The following NSUN2 variants were observed in gnomAD, a reference collection of about 807,000 sequenced individuals.
NSUN2 encodes the protein RNA cytosine C(5)-methyltransferase NSUN2.
NSUN2 carries 63 observed loss-of-function variants against 92.7 expected under a neutral mutation model. That is an observed-to-expected ratio of 0.68 (90% CI 0.56 to 0.84). The LOEUF (loss-of-function observed/expected upper bound fraction) is 0.84. NSUN2 is among the 40% of genes least tolerant of loss of function. The probability of loss-of-function intolerance (pLI) is 0.00; values close to 1 mark genes in which losing one functional copy is unlikely to be tolerated. For synonymous variants in NSUN2, 356 were observed against 348.3 expected, an observed-to-expected ratio of 1.02 and a Z score of -0.25; for missense variants, 989 against 964.9, an observed-to-expected ratio of 1.02 and a Z score of -0.33.
chr5:6,599,893 G>T lies in NSUN2; in HGVS notation c.*33C>A. 6.3e-7 allele frequency: 1 copy of T among 1,595,278 alleles called. No individual in the cohort carries two copies. On this transcript the variant is annotated 3_prime_UTR_variant, in exon 19 of 19. Coordinates refer to ENST00000264670, the MANE Select transcript of NSUN2 (RefSeq NM_017755.6). ...ACCAGAAGAAGCCAGTTTTGCGTGT[G>T]AGGGGTGTGGGCCCCCGCTGCCTTG... is the stretch of plus-strand genomic sequence containing the variant.
In NSUN2 at chr5:6,605,371, T is replaced by C. The variant is rs551486958; in HGVS notation, c.1639A>G (p.Asn547Asp). ...CCTTCTGTAGTCCGAGTTAACAAATTCATCCTTGGGAATGAAGGATCCAAA... is the reference window on the plus strand; with the variant it reads ...CCTTCTGTAGTCCGAGTTAACAAATCCATCCTTGGGAATGAAGGATCCAAA... ...YALDPSFPRM[N>D]LLTRTTEGKK... is the part of the protein sequence containing the mutation. Residue 547 changes from asparagine (N) to aspartate (D), a missense_variant, in exon 15 of 19, where the codon AAT becomes GAT. Asn to Asp is a conservative substitution (Grantham distance 23). This residue lies in a region of NSUN2 where 626 missense variants were observed against 602.3 expected (regional missense o/e 1.04). Transcript: ENST00000264670. 2.7e-5 allele frequency: 43 copies of C among 1,614,098 alleles called. No individual in the cohort carries two copies. The highest frequency in any genetic ancestry group is 3.6e-5 in the Non-Finnish European group (43 of 1,180,042).
chr5:6,616,984 C>T lies in NSUN2; in HGVS notation c.891-127G>A. On this transcript the variant is annotated intron_variant, in intron 8 of 18. Transcript: ENST00000264670. ...CACAATTATACTTAAAAAAAACCTTCCAGGGATCTAAATGAAGTTAGAGTA... is the reference window on the plus strand; with the variant it reads ...CACAATTATACTTAAAAAAAACCTTTCAGGGATCTAAATGAAGTTAGAGTA... The T allele has an allele frequency of 6.7e-6, 5 of 744,248 alleles. 1 individual carries two copies. The South Asian group carries it at 1.6e-4, about 24-fold the overall frequency. 46.1% of individuals were successfully genotyped at this position (744,248 alleles called of 1,614,324 possible).
intron 4 of NSUN2, among the ~76,000 whole-genome samples, chr5:6,623,593 T>C (rs1579376410): frequency 6.6e-6 from 1 of 152,204 alleles, no homozygotes; most frequent in Admixed American, 6.5e-5. Context: ...GAGGGGCAGC[T>C]CTCAAAGACA....
intron 9 of NSUN2, among the ~76,000 whole-genome samples, chr5:6,616,239 G>C (rs1246583307): frequency 1.3e-5 from 2 of 152,202 alleles, no homozygotes; most frequent in Non-Finnish European, 2.9e-5. Flanking sequence ...CAGCCAAAAA[G>C]TGGAAGAAAC....
rs1193480679 is a variant in NSUN2, at chr5:6,600,178, G to C, written c.2052C>G (p.Ala684=). 6.2e-7 allele frequency: 1 copy of C among 1,614,106 alleles called. No individual in the cohort carries two copies. Among genetic ancestry groups the C allele is most frequent in the Non-Finnish European group, 8.5e-7 (1 of 1,180,054 alleles). ...TCTTGGGCACAAAAGTTCGAATGGA[G>C]GCCTTTCCCCGCCATCCGCATAAGA... The part of the protein sequence containing the change: ...PIVLCGWRGK[A]SIRTFVPKNE... The change falls in exon 19 of 19, where the codon GCC becomes GCG. Residue 684 remains alanine, a synonymous_variant. Transcript: ENST00000264670.
Position 6,603,963 on chromosome 5 carries a change from C to G in NSUN2, c.1957+175G>C, listed in dbSNP as rs1408046479. The G allele has an allele frequency of 2.5e-5, 15 of 606,512 alleles. No individual in the cohort carries two copies. In the Admixed American group the frequency reaches 4.4e-4, roughly 18 times the overall value. The allele number at this position is 606,512 out of a possible 1,614,324, so 37.6% of individuals were successfully genotyped here. A position where few individuals can be genotyped will look rare whatever the true frequency, so the allele number is the denominator to read the frequency against. ...ACACCAACCCCAAGATGCCTTTGAC[C>G]CTTAGCATTCTGAACTGTCAATCAG... On this transcript the variant is annotated intron_variant, in intron 17 of 18. Coordinates refer to ENST00000264670, the MANE Select transcript of NSUN2 (RefSeq NM_017755.6).
intron 9 of NSUN2, 92 bp from the exon 10 acceptor site, chr5:6,611,890 A>C: frequency 9.2e-7 from 1 of 1,084,814 alleles, no homozygotes; most frequent in Non-Finnish European, 1.4e-6. Flanking sequence ...ATCACATATT[A>C]TATGATTCCA....
chr5:6,614,060 C>T (rs1377366299), intron 9 of NSUN2, among the ~76,000 whole-genome samples: 1 of 138,848 alleles, frequency 7.2e-6, no homozygotes, highest in African/African-American at 2.7e-5. Context: ...GGCGCCACTG[C>T]ACTCCAGCCT....
intron 9 of NSUN2, among the ~76,000 whole-genome samples, chr5:6,615,156 A>G (rs952611502): frequency 6.6e-6 from 1 of 152,090 alleles, no homozygotes; most frequent in African/African-American, 2.4e-5. Context: ...AAAGAGCACC[A>G]GCCAAGAATG....
At chr5:6,604,768 C>A (rs1736694024) in intron 15 of NSUN2, 83 bp from the exon 16 acceptor site, 1 of 1,152,616 alleles carries the variant, frequency 8.7e-7, no homozygotes, top group South Asian at 1.2e-5. Flanking sequence ...CATGGAGCAA[C>A]CGTCACGGAA....
chr5:6,603,192 G>A (rs911843403), intron 17 of NSUN2, among the ~76,000 whole-genome samples: 1 of 152,254 alleles, frequency 6.6e-6, no homozygotes, highest in African/African-American at 2.4e-5. Context: ...ACAGCTTGGA[G>A]AAATGATTTT....
chr5:6,630,505 G>A (rs909317029), intron 3 of NSUN2, among the ~76,000 whole-genome samples: 15 of 152,168 alleles, frequency 9.9e-5, no homozygotes, highest in East Asian at 9.7e-4. Flanking sequence ...AGGGTTTCAC[G>A]ATGTTGGTCA....
At chr5:6,618,482 T>C (rs1163574168) in intron 7 of NSUN2, among the ~76,000 whole-genome samples, 1 of 152,192 alleles carries the variant, frequency 6.6e-6, no homozygotes, top group Non-Finnish European at 1.5e-5. Context: ...CAGGTAAACA[T>C]TTCTGACTTT....
At chr5:6,612,352 T>C (rs1737033177) in intron 9 of NSUN2, among the ~76,000 whole-genome samples, 1 of 152,166 alleles carries the variant, frequency 6.6e-6, no homozygotes, top group Non-Finnish European at 1.5e-5. Context: ...AAATGAACTA[T>C]GGGAATTTTT....
intron 12 of NSUN2, among the ~76,000 whole-genome samples, chr5:6,608,878 T>C (rs1736882053): frequency 6.6e-6 from 1 of 152,250 alleles, no homozygotes; most frequent in South Asian, 2.1e-4. Context: ...TATAATTTCT[T>C]ATACTGATTC....
chr5:6,609,689 C>G (rs1489930166), intron 12 of NSUN2, 137 bp downstream of exon 12: 2 of 641,364 alleles, frequency 3.1e-6, no homozygotes. Context: ...GAAATTCCCC[C>G]TCATTCAGGG....
intron 6 of NSUN2, chr5:6,621,595 A>C (rs1054382371): frequency 2.8e-4 from 43 of 154,952 alleles, no homozygotes; most frequent in Admixed American, 5.1e-4. Context: ...AAAAATACAA[A>C]AAATTACCCG....
At chr5:6,622,623 G>A (rs1184831449) in intron 5 of NSUN2, among the ~76,000 whole-genome samples, 5 of 152,064 alleles carry the variant, frequency 3.3e-5, no homozygotes, top group South Asian at 2.1e-4. Context: ...CAAGGCAGGC[G>A]GATCGCCTGA....
At chr5:6,605,189 T>C in intron 15 of NSUN2, 84 bp downstream of exon 15, 4 of 1,563,046 alleles carry the variant, frequency 2.6e-6, no homozygotes, top group Non-Finnish European at 3.5e-6. Flanking sequence ...GATGTCACGG[T>C]CTGCTCCAAA....
Sources: gnomAD v4.1 joint callset for allele counts (sites outside exome capture counted in the v4.1 genomes callset) on GRCh38, gnomAD v4.1.1 for gene constraint, gnomAD v4.1.1 regional missense constraint, MANE v1.5 for transcripts, NCBI Gene and HGNC (gene_info 2026-07-23, HGNC 2026-07-21) for gene names.